The following PSG3 variants were observed in gnomAD, a reference collection of about 807,000 sequenced individuals.
The protein encoded by PSG3 is pregnancy-specific beta-1-glycoprotein 3.
Under a neutral mutation model 47.5 loss-of-function variants are expected in PSG3, and 61 were observed. The observed-to-expected ratio is 1.28, with a 90% CI of 1.05 to 1.59. The LOEUF is 1.59. Among genes scored for constraint, PSG3 ranks in the 40% most tolerant of loss-of-function variants. The pLI is 0.00. For missense variants in PSG3, 756 were observed against 524.0 expected (o/e 1.44, Z -4.32); for synonymous variants, 263 against 198.4 (o/e 1.33, Z -2.74).
rs551929726 is a variant in PSG3, at chr19:42,740,199, T to A, written c.64+122A>T. The A allele has an allele frequency of 1.1e-4, 176 of 1,584,892 alleles. No individual in the cohort carries two copies. The African/African-American group carries it at 1.2e-3, about 11-fold the overall frequency. ...GAACTCCTGATCTCGTGATCCACCCTCCTCAGCCTCCCTAAGTGCTGGCTT... is the reference window on the plus strand; with the variant it reads ...GAACTCCTGATCTCGTGATCCACCCACCTCAGCCTCCCTAAGTGCTGGCTT... On this transcript the variant is annotated intron_variant, in intron 1 of 6. Coordinates refer to ENST00000327495, the MANE Select transcript of PSG3 (RefSeq NM_021016.4).
intron 2 of PSG3, among the ~76,000 whole-genome samples, chr19:42,735,370 C>T (rs1322127052): frequency 1.3e-5 from 2 of 151,202 alleles, no homozygotes; most frequent in Non-Finnish European, 2.9e-5. Flanking sequence ...TCTCTAAAAA[C>T]ATTTTTTTTT....
At chr19:42,727,431 A>G (rs1288074646) in intron 5 of PSG3, among the ~76,000 whole-genome samples, 1 of 152,340 alleles carries the variant, frequency 6.6e-6, no homozygotes, top group Non-Finnish European at 1.5e-5. Flanking sequence ...CAAAAACCCA[A>G]TTAAAAAATG....
chr19:42,729,584 G>C (rs746137198), intron 4 of PSG3, among the ~76,000 whole-genome samples, 194 bp downstream of exon 4: 4 of 152,198 alleles, frequency 2.6e-5, no homozygotes, highest in Admixed American at 6.5e-5. Context: ...CATGACAAGA[G>C]CGTCCCCTCC....
intron 3 of PSG3, among the ~76,000 whole-genome samples, chr19:42,730,699 A>G (rs1453777798): frequency 6.6e-6 from 1 of 152,162 alleles, no homozygotes; most frequent in Non-Finnish European, 1.5e-5. Flanking sequence ...GTGACCTCTA[A>G]AGATAGAGCA....
chr19:42,732,544 G>C, intron 3 of PSG3: 5 of 966,606 alleles, frequency 5.2e-6, no homozygotes, highest in Non-Finnish European at 7.6e-6. Flanking sequence ...ACAGTCACCT[G>C]TTTTGCCCAT....
chr19:42,729,986 G>A lies in PSG3; in HGVS notation c.780C>T (p.Phe260=), dbSNP rs1969445684. The change falls in exon 4 of 7, where the codon TTC becomes TTT. Residue 260 remains phenylalanine, a synonymous_variant. Coordinates refer to ENST00000327495, the MANE Select transcript of PSG3 (RefSeq NM_021016.4). ...AGTTCTCACTCTTAGGTTCACAGGT[G>A]AAGGCTAAGACATCCTTATTCTCCC... The part of the protein sequence containing the change: ...NPRENKDVLA[F]TCEPKSENYT... 2 of 1,612,306 alleles carry A rather than the reference G, an allele frequency of 1.2e-6. No homozygotes were observed. The highest frequency in any genetic ancestry group is 1.7e-6 in the Non-Finnish European group (2 of 1,179,842).
intron 2 of PSG3, among the ~76,000 whole-genome samples, chr19:42,738,307 C>A (rs545362162): frequency 6.6e-6 from 1 of 152,312 alleles, no homozygotes; most frequent in Admixed American, 6.5e-5. Flanking sequence ...TCAGATTTAT[C>A]TGGAGCAAGG....
Position 42,733,047 on chromosome 19 carries a change from G to T in PSG3, c.446C>A (p.Pro149His). The change falls in exon 3 of 7, where the codon CCC becomes CAC. Residue 149 changes from proline (P) to histidine (H), a missense_variant. Pro to His is a moderately conservative substitution (Grantham distance 77). Coordinates refer to ENST00000327495, the MANE Select transcript of PSG3 (RefSeq NM_021016.4). ...TFTLYLETPK[P>H]SISSSNLYPR... is the part of the protein sequence containing the mutation. ...GTATAAGTTGCTGCTGGAGATGGAG[G>T]GCTTGGGAGTCTCCACTGTGCAGAA... 6.2e-7 allele frequency: 1 copy of T among 1,613,974 alleles called. No homozygotes were observed. The highest frequency in any genetic ancestry group is 1.3e-5 in the African/African-American group (1 of 74,982).
chr19:42,731,342 T>C (rs936068710), intron 3 of PSG3, among the ~76,000 whole-genome samples: 21 of 152,338 alleles, frequency 1.4e-4, no homozygotes, highest in East Asian at 1.2e-3. Context: ...CTAAAATGCT[T>C]CAGTGAGCAT....
At chr19:42,728,513 G>T (rs1797414036) in intron 5 of PSG3, among the ~76,000 whole-genome samples, 1 of 152,162 alleles carries the variant, frequency 6.6e-6, no homozygotes, top group South Asian at 2.1e-4. Context: ...CCTGGCCCGG[G>T]GGAGGCTTGG....
At chr19:42,725,383 A>G (rs1165852613) in intron 5 of PSG3, among the ~76,000 whole-genome samples, 1 of 152,166 alleles carries the variant, frequency 6.6e-6, no homozygotes, top group Non-Finnish European at 1.5e-5. Context: ...ACTAAACCCA[A>G]GCACAGTGAA....
intron 4 of PSG3, 133 bp from the exon 5 acceptor site, chr19:42,729,510 ACTGAGCTGAAGC>A (rs1969434554): frequency 1.3e-6 from 2 of 1,487,212 alleles, no homozygotes; most frequent in Admixed American, 4.5e-5. Flanking sequence ...CTCTATGTTC[ACTGAGCTGAAGC>A]CTGAGGTATT....
chr19:42,731,882 T>G (rs990423990), intron 3 of PSG3: 5 of 151,294 alleles, frequency 3.3e-5, no homozygotes, highest in African/African-American at 1.2e-4. Context: ...CCTTTTGATG[T>G]TAATGTGAAC....
In PSG3 at chr19:42,724,043, GA is replaced by G. The variant is rs1161078898; in HGVS notation, c.1244-19del. ...TGAAGGAGCTGTCATGGAAAAAAAA[GA>G]AAAGAAGGAATGAAGATGATGTTAT... On this transcript the variant is annotated intron_variant, in intron 5 of 6. Transcript: ENST00000327495. 1 of 1,603,978 alleles carries G rather than the reference GA, an allele frequency of 6.2e-7. No homozygotes were observed. Among genetic ancestry groups the G allele is most frequent in the Non-Finnish European group, 8.5e-7 (1 of 1,171,116 alleles).
At chr19:42,727,310 G>A (rs1249716126) in intron 5 of PSG3, among the ~76,000 whole-genome samples, 8 of 152,098 alleles carry the variant, frequency 5.3e-5, no homozygotes, top group Non-Finnish European at 7.4e-5. Context: ...ACACTATCAA[G>A]AAAGTAAAAA....
At chr19:42,724,145 T>C in intron 5 of PSG3, 120 bp from the exon 6 acceptor site, 1 of 1,426,720 alleles carries the variant, frequency 7.0e-7, no homozygotes, top group Non-Finnish European at 9.5e-7. Context: ...ACTACGTTAT[T>C]TCTGTTGGAA....
intron 2 of PSG3, among the ~76,000 whole-genome samples, chr19:42,735,440 C>T (rs183750938): frequency 4.6e-5 from 7 of 152,132 alleles, no homozygotes; most frequent in Admixed American, 4.6e-4. Context: ...GATCTCATCT[C>T]ACTGCAAGCT....
At position 42,729,223 on chromosome 19, in the gene PSG3, G is replaced by A. The variant is rs759642689; in HGVS notation, c.1143C>T (p.Ile381=). ...CGCTATGCTTTGTAGTAATCTGGGG[G>A]ATAAAGAGCTTTTGTCCTGATAGCT... is the stretch of plus-strand genomic sequence containing the variant. ...KFQLSGQKLF[I]PQITTKHSGL... is the part of the protein sequence containing the mutation. Residue 381 remains isoleucine, a synonymous_variant, in exon 5 of 7, where the codon ATC becomes ATT. Transcript: ENST00000327495. The A allele has an allele frequency of 1.8e-5, 29 of 1,613,884 alleles. No individual in the cohort carries two copies. In the South Asian group the frequency reaches 3.2e-4, roughly 18 times the overall value.
In PSG3 at chr19:42,739,066, A is replaced by G. The variant is rs12185497; in HGVS notation, c.88T>C (p.Leu30=). ...ATCGTGACTTGGGCAGTGGTAGGCAAGTTCCAGAAGTTTAAAAGTAATGCT... is the reference window on the plus strand; with the variant it reads ...ATCGTGACTTGGGCAGTGGTAGGCAGGTTCCAGAAGTTTAAAAGTAATGCT... ...LTALLLNFWN[L]PTTAQVTIEA... is the part of the protein sequence containing the mutation. The change falls in exon 2 of 7, where the codon TTG becomes CTG. Residue 30 remains leucine, a synonymous_variant. Coordinates refer to ENST00000327495, the MANE Select transcript of PSG3 (RefSeq NM_021016.4). 0.56 allele frequency: 890,108 copies of G among 1,585,000 alleles called. 257,614 individuals are homozygous for G. Among genetic ancestry groups the G allele is most frequent in the African/African-American group, 0.85 (62,719 of 73,986 alleles).
Sources: allele counts gnomAD v4.1 joint callset (sites outside exome capture counted in the v4.1 genomes callset), GRCh38; gene constraint gnomAD v4.1.1; transcripts MANE v1.5; gene names NCBI Gene and HGNC (gene_info 2026-07-23, HGNC 2026-07-21).